Variants in NSD2 observed in about 807,000 individuals in gnomAD.
NSD2 encodes the protein nuclear receptor binding SET domain protein 2.
NSD2 carries 12 observed loss-of-function variants against 139.0 expected under a neutral mutation model. The observed-to-expected ratio is 0.09, with a 90% CI of 0.06 to 0.14. The LOEUF is 0.14. Among genes scored for constraint, NSD2 ranks in the 10% least tolerant of loss-of-function variants. NSD2 has a pLI of 1.00. For missense variants in NSD2, 1,155 were observed against 1,745.0 expected (o/e 0.66, Z 6.02); for synonymous variants, 669 against 648.7 (o/e 1.03, Z -0.48).
intron 1 of NSD2, among the ~76,000 whole-genome samples, chr4:1,874,092 A>G (rs536063567): frequency 6.6e-6 from 1 of 152,382 alleles, no homozygotes; most frequent in Admixed American, 6.5e-5. Context: ...ATTAATCAGC[A>G]GCAACAGAAG....
Position 1,976,576 on chromosome 4 carries a change from G to A in NSD2, c.3723G>A (p.Glu1241=), listed in dbSNP as rs759841687. The A allele has an allele frequency of 6.2e-7, 1 of 1,613,318 alleles. No individual in the cohort carries two copies. Among genetic ancestry groups the A allele is most frequent in the South Asian group, 1.1e-5 (1 of 90,844 alleles). ...KGEGKRQSED[E]CFRCGDGGQL... is the part of the protein sequence containing the mutation. ...AAGGGAAGAGGCAGTCAGAGGACGA[G>A]TGCTTCCGCTGCGGTGATGGCGGGC... Residue 1241 remains glutamate (E), a synonymous_variant, in exon 21 of 22, where the codon GAG becomes GAA. Transcript: ENST00000508803. This position sits in a 1 kb window ranked among gnomAD's most constrained non-coding sequence, Gnocchi z 5.3.
chr4:1,969,523 G>A (rs567122079), intron 18 of NSD2, among the ~76,000 whole-genome samples: 1 of 150,424 alleles, frequency 6.6e-6, no homozygotes, highest in Non-Finnish European at 1.5e-5. Context: ...GGGCAACACA[G>A]CAAGGCCTTG....
At chr4:1,930,108 A>C (rs907886465) in intron 5 of NSD2, among the ~76,000 whole-genome samples, 16 of 152,032 alleles carry the variant, frequency 1.1e-4, no homozygotes, top group Admixed American at 1.3e-4. Context: ...TGGCTGTGCA[A>C]GGTTGTCTCC....
In NSD2 at chr4:1,976,364, G is replaced by A. The variant is rs1560815947; in HGVS notation, c.3622-111G>A. 2 of 1,177,008 alleles carry A rather than the reference G, an allele frequency of 1.7e-6. No individual in the cohort carries two copies. Among genetic ancestry groups the A allele is most frequent in the Non-Finnish European group, 2.4e-6 (2 of 824,590 alleles). The allele number at this position is 1,177,008 out of a possible 1,614,324, so 72.9% of individuals were successfully genotyped here. A position where few individuals can be genotyped will look rare whatever the true frequency, so the allele number is the denominator to read the frequency against. On this transcript the variant is annotated intron_variant, in intron 20 of 21. Coordinates refer to ENST00000508803, the MANE Select transcript of NSD2 (RefSeq NM_001042424.3). The surrounding 1 kb of genome is among the most constrained non-coding windows in gnomAD (Gnocchi z 5.3). ...ACTCCTCTCCTCTCCTCTTAGTGTT[G>A]GGCACCTGCAGAGATCTCTGAAGTT...
At chr4:1,932,439 C>CA (rs776037394) in intron 6 of NSD2, among the ~76,000 whole-genome samples, 2,859 of 65,174 alleles carry the variant, frequency 0.044, 63 homozygotes, top group East Asian at 0.09. Context: ...AGTCAATCTC[C>CA]AAAAAAAAAA....
chr4:1,938,297 G>C (rs1722639563), intron 7 of NSD2, among the ~76,000 whole-genome samples, 154 bp from the exon 8 acceptor site: 1 of 151,526 alleles, frequency 6.6e-6, no homozygotes, highest in East Asian at 1.9e-4. Flanking sequence ...AGAAGTTTCT[G>C]CCACGAAACT....
rs116789191 is a variant in NSD2, at chr4:1,957,051, A to G, written c.2881+863A>G. On this transcript the variant is annotated intron_variant, in intron 15 of 21. Transcript: ENST00000508803. ...TTATGTGTTTGCTGCGACTGTCGGC[A>G]AAGTCTCCTAACTGTGGATGCAGGT... 9.0e-3 allele frequency among the ~76,000 whole-genome samples: 1,371 copies of G among 152,290 alleles called. 20 individuals are homozygous for G. The highest frequency in any genetic ancestry group is 0.032 in the African/African-American group (1,321 of 41,536).
At position 1,958,646 on chromosome 4, in the gene NSD2, G is replaced by C. The variant is rs184818023; in HGVS notation, c.2985+610G>C. On this transcript the variant is annotated intron_variant, in intron 16 of 21. Coordinates refer to ENST00000508803, the MANE Select transcript of NSD2 (RefSeq NM_001042424.3). The surrounding 1 kb of genome is among the most constrained non-coding windows in gnomAD (Gnocchi z 4.6). ...TGTGATAAGTGTGTGCCGGAGGTCA[G>C]GTGCTCTGCCTTTGCTTGTAAAATG... Among the ~76,000 whole-genome samples the C allele has an allele frequency of 8.5e-5, 13 of 152,374 alleles. No individual in the cohort carries two copies. The East Asian group carries it at 2.1e-3, about 25-fold the overall frequency.
chr4:1,976,715 T>C lies in NSD2; in HGVS notation c.3826+36T>C, dbSNP rs1316734142. The C allele has an allele frequency of 6.5e-7, 1 of 1,539,398 alleles. No homozygotes were observed. Among genetic ancestry groups the C allele is most frequent in the South Asian group, 1.2e-5 (1 of 83,672 alleles). On this transcript the variant is annotated intron_variant, in intron 21 of 21. Transcript: ENST00000508803. The surrounding 1 kb of genome is among the most constrained non-coding windows in gnomAD (Gnocchi z 5.3). ...AGCCTCGCGGTGGCTTGCAGCTGTGTCTGTGTGGCAGGCTCCTGATGGCGG... is the reference window on the plus strand; with the variant it reads ...AGCCTCGCGGTGGCTTGCAGCTGTGCCTGTGTGGCAGGCTCCTGATGGCGG...
chr4:1,981,208 A>G lies in NSD2; in HGVS notation c.*2299A>G, dbSNP rs1349721288. 3 of 233,308 alleles carry G rather than the reference A, an allele frequency of 1.3e-5. No homozygotes were observed. The highest frequency in any genetic ancestry group is 2.5e-5 in the Non-Finnish European group (3 of 118,056). 14.5% of individuals were successfully genotyped at this position (233,308 alleles called of 1,614,324 possible). A position where few individuals can be genotyped will look rare whatever the true frequency, so the allele number is the denominator to read the frequency against. On this transcript the variant is annotated 3_prime_UTR_variant, in exon 22 of 22. Coordinates refer to ENST00000508803, the MANE Select transcript of NSD2 (RefSeq NM_001042424.3). ...TTAAATATGTTTCTCCCCCTTTCCA[A>G]AAACTGTTAAACTAATGAGCAAGTA...
chr4:1,935,396 G>C (rs1722273917), intron 7 of NSD2, 134 bp downstream of exon 7: 2 of 657,972 alleles, frequency 3.0e-6, no homozygotes, highest in South Asian at 2.2e-5. Context: ...CTGGTATTCA[G>C]CAGAAGGCTT....
At chr4:1,943,143 T>G (rs1723271802) in intron 9 of NSD2, 2 of 1,044,434 alleles carry the variant, frequency 1.9e-6, no homozygotes, top group Non-Finnish European at 2.3e-6. Context: ...GGGAGCAGCC[T>G]GGTGTCCTGC....
chr4:1,951,441 AATACACACACACACACACAC>A (rs1724218437), intron 10 of NSD2, among the ~76,000 whole-genome samples: 2 of 86,978 alleles, frequency 2.3e-5, no homozygotes, highest in East Asian at 7.8e-4. Context: ...CACATCATGT[AATACACACACACACACACAC>A]ACACACACAC....
chr4:1,944,047 T>G, intron 9 of NSD2: 1 of 1,061,702 alleles, frequency 9.4e-7, no homozygotes, highest in Non-Finnish European at 1.1e-6. Flanking sequence ...CAGGGGCACA[T>G]GGGGGAACGT....
At chr4:1,889,444 C>T (rs924928863) in intron 1 of NSD2, among the ~76,000 whole-genome samples, 2 of 151,952 alleles carry the variant, frequency 1.3e-5, no homozygotes, top group African/African-American at 4.8e-5. Context: ...ATCCTCCTGC[C>T]TGGGCCAACC....
rs1221690977 is a variant in NSD2, at chr4:1,966,772, C to T, written c.3372+5621C>T. 2.6e-5 allele frequency among the ~76,000 whole-genome samples: 4 copies of T among 151,894 alleles called. No individual in the cohort carries two copies. In the East Asian group the frequency reaches 7.7e-4, roughly 29 times the overall value. On this transcript the variant is annotated intron_variant, in intron 18 of 21. Transcript: ENST00000508803. ...TGTTTTCTATATAATTTAAGCTACTCATGTATTACTAGTTTTACTCATGAA... is the reference window on the plus strand; with the variant it reads ...TGTTTTCTATATAATTTAAGCTACTTATGTATTACTAGTTTTACTCATGAA...
At chr4:1,918,093 T>C in intron 4 of NSD2, 48 bp from the exon 5 acceptor site, 1 of 1,573,504 alleles carries the variant, frequency 6.4e-7, no homozygotes, top group Non-Finnish European at 8.6e-7. Flanking sequence ...GTAGTTAACT[T>C]TTATGTTTGT....
intron 1 of NSD2, among the ~76,000 whole-genome samples, chr4:1,898,993 A>G (rs943297999): frequency 2.0e-5 from 3 of 151,804 alleles, no homozygotes; most frequent in Non-Finnish European, 2.9e-5. Flanking sequence ...GTGGTTTTTT[A>G]TGTTTTGTCC....
intron 17 of NSD2, among the ~76,000 whole-genome samples, chr4:1,960,125 A>G (rs1032331033): frequency 3.9e-5 from 6 of 152,168 alleles, no homozygotes; most frequent in African/African-American, 7.2e-5. Context: ...TCCCAAAGCA[A>G]TGGGATTTTA....
Sources: gnomAD v4.1 joint callset for allele counts (sites outside exome capture counted in the v4.1 genomes callset) on GRCh38, gnomAD v4.1.1 for gene constraint, Gnocchi (gnomAD v3.1) non-coding constraint, MANE v1.5 for transcripts, NCBI Gene and HGNC (gene_info 2026-07-23, HGNC 2026-07-21) for gene names.